EPS15: variants seen among roughly 807,000 people sequenced by gnomAD.
EPS15 encodes the protein epidermal growth factor receptor substrate 15.
A neutral mutation model predicts 113.8 loss-of-function variants in EPS15; 72 were observed. The observed-to-expected ratio is 0.63, with a 90% CI of 0.52 to 0.77. The LOEUF (loss-of-function observed/expected upper bound fraction) is 0.77, where lower values mean the gene tolerates loss of function less well. Among genes scored for constraint, EPS15 ranks in the 30% least tolerant of loss-of-function variants. EPS15 has a pLI of 0.00. For missense variants in EPS15, 1,048 were observed against 1,045.8 expected (o/e 1.00, Z -0.03); for synonymous variants, 344 against 363.4 (o/e 0.95, Z 0.61).
chr1:51,511,206 G>C (rs1644613400), intron 1 of EPS15, among the ~76,000 whole-genome samples: 1 of 151,284 alleles, frequency 6.6e-6, no homozygotes, highest in South Asian at 2.1e-4. Flanking sequence ...ATCTAAACCA[G>C]TGATTTGGCC....
chr1:51,395,151 C>T (rs562850454), intron 20 of EPS15, among the ~76,000 whole-genome samples: 1 of 152,172 alleles, frequency 6.6e-6, no homozygotes, highest in Non-Finnish European at 1.5e-5. Flanking sequence ...GCAGCCACCA[C>T]TAACCTTTTA....
chr1:51,449,311 C>A (rs1653334120), intron 8 of EPS15, among the ~76,000 whole-genome samples: 1 of 152,070 alleles, frequency 6.6e-6, no homozygotes, highest in Non-Finnish European at 1.5e-5. Context: ...AGCTGGAGGC[C>A]ATTATCCTAA....
chr1:51,493,704 C>T lies in EPS15; in HGVS notation c.34-12390G>A, dbSNP rs187493741. ...CACGATCTCGGCTCACTGCAACCTC[C>T]GCCTTCTGGGTTCAAGCGATTCTCC... On this transcript the variant is annotated intron_variant, in intron 1 of 24. Coordinates refer to ENST00000371733, the MANE Select transcript of EPS15 (RefSeq NM_001981.3). Among the ~76,000 whole-genome samples the T allele has an allele frequency of 6.8e-3, 1,028 of 151,382 alleles. 11 individuals are homozygous for T. The highest frequency in any genetic ancestry group is 0.023 in the African/African-American group (945 of 41,340).
chr1:51,478,003 T>C, intron 2 of EPS15, among the ~76,000 whole-genome samples: 1 of 152,194 alleles, frequency 6.6e-6, no homozygotes, highest in East Asian at 1.9e-4. Flanking sequence ...AATTCCTGGA[T>C]ATCCTTGTTA....
At chr1:51,363,616 T>C (rs571331644) in intron 23 of EPS15, among the ~76,000 whole-genome samples, 2 of 152,186 alleles carry the variant, frequency 1.3e-5, no homozygotes, top group African/African-American at 4.8e-5. Context: ...CTCTCTGAAA[T>C]GATTAAGTTA....
intron 12 of EPS15, among the ~76,000 whole-genome samples, chr1:51,432,472 T>A (rs990094380): frequency 1.5e-4 from 23 of 152,102 alleles, no homozygotes; most frequent in African/African-American, 5.3e-4. Context: ...CCAGCCTAAG[T>A]AATTTTTAAA....
At chr1:51,394,716 C>T (rs1417197615) in intron 20 of EPS15, among the ~76,000 whole-genome samples, 2 of 152,196 alleles carry the variant, frequency 1.3e-5, no homozygotes, top group African/African-American at 4.8e-5. Flanking sequence ...CAAGTGAACA[C>T]TTGTGTAGTC....
chr1:51,426,892 TATATATAC>T (rs1651272145), intron 12 of EPS15, among the ~76,000 whole-genome samples: 1 of 151,552 alleles, frequency 6.6e-6, no homozygotes, highest in Non-Finnish European at 1.5e-5. Flanking sequence ...TACACACACA[TATATATAC>T]ATATATACAT....
At chr1:51,374,996 CTTTTTTTTTT>C (rs761941054) in intron 21 of EPS15, among the ~76,000 whole-genome samples, 7 of 108,772 alleles carry the variant, frequency 6.4e-5, no homozygotes, top group African/African-American at 2.2e-4. Flanking sequence ...TAATATACTT[CTTTTTTTTTT>C]TTTTTTTTTT....
At chr1:51,471,636 AT>A (rs1655246117) in intron 4 of EPS15, 53 bp downstream of exon 4, 3 of 1,375,854 alleles carry the variant, frequency 2.2e-6, no homozygotes, top group South Asian at 2.4e-5. Flanking sequence ...CCTGCTGGCT[AT>A]TTTTTATTTT....
At chr1:51,376,125 C>T (rs1057106588) in intron 21 of EPS15, among the ~76,000 whole-genome samples, 3 of 152,200 alleles carry the variant, frequency 2.0e-5, no homozygotes, top group African/African-American at 7.2e-5. Context: ...CAATGTCTGG[C>T]TTTGAAGCAT....
At chr1:51,496,857 CAAGAGTTTAACAA>C (rs1438970285) in intron 1 of EPS15, among the ~76,000 whole-genome samples, 2 of 152,074 alleles carry the variant, frequency 1.3e-5, no homozygotes, top group African/African-American at 4.8e-5. Context: ...CAATGTTCTC[CAAGAGTTTAACAA>C]TTACTACTAT....
chr1:51,379,589 G>T (rs1410406573), intron 21 of EPS15, among the ~76,000 whole-genome samples: 1 of 152,182 alleles, frequency 6.6e-6, no homozygotes, highest in Non-Finnish European at 1.5e-5. Context: ...AACAAAAACT[G>T]AATGGTTCAT....
At chr1:51,357,426 A>ATATATATATT (rs1443627608) in intron 24 of EPS15, among the ~76,000 whole-genome samples, 14 of 53,534 alleles carry the variant, frequency 2.6e-4, no homozygotes, top group African/African-American at 9.6e-4. Flanking sequence ...ATATATATAT[A>ATATATATATT]TTTTTTTTTT....
chr1:51,437,039 G>A (rs1652206415), intron 12 of EPS15, among the ~76,000 whole-genome samples: 1 of 152,036 alleles, frequency 6.6e-6, no homozygotes, highest in Admixed American at 6.6e-5. Flanking sequence ...AATCTAATTG[G>A]CATAATTAAA....
chr1:51,426,068 T>G (rs1189092534), intron 12 of EPS15, among the ~76,000 whole-genome samples: 2 of 152,046 alleles, frequency 1.3e-5, no homozygotes, highest in Non-Finnish European at 2.9e-5. Flanking sequence ...ACCATCAGAT[T>G]TGGAGAAAAA....
chr1:51,421,856 T>C lies in EPS15; in HGVS notation c.1043A>G (p.Glu348Gly). 5 of 1,611,706 alleles carry C rather than the reference T, an allele frequency of 3.1e-6. No homozygotes were observed. The highest frequency in any genetic ancestry group is 4.2e-6 in the Non-Finnish European group (5 of 1,178,504). ...LNNEIVDLQR[E>G]KNNVEQDLKE... ...AAGGTCCTGTTCCACATTATTCTTT[T>C]CCCTAGAAGACCAGCAAACAATGCA... Residue 348 changes from glutamate to glycine, a missense_variant and splice_region_variant, in exon 13 of 25, where the codon GAA (glutamate) becomes GGA (glycine). Coordinates refer to ENST00000371733, the MANE Select transcript of EPS15 (RefSeq NM_001981.3).
intron 24 of EPS15, among the ~76,000 whole-genome samples, chr1:51,360,006 A>G (rs1195362853): frequency 2.0e-5 from 3 of 152,046 alleles, no homozygotes; most frequent in East Asian, 1.9e-4. Context: ...CAGCCCCCCA[A>G]GTAGCTGGGA....
At chr1:51,415,368 T>C (rs1461882280) in intron 13 of EPS15, among the ~76,000 whole-genome samples, 1 of 152,124 alleles carries the variant, frequency 6.6e-6, no homozygotes, top group Non-Finnish European at 1.5e-5. Flanking sequence ...AATACAAAAC[T>C]ACAGGACTTA....
Sources: gnomAD v4.1 joint callset for allele counts (sites outside exome capture counted in the v4.1 genomes callset) on GRCh38, gnomAD v4.1.1 for gene constraint, MANE v1.5 for transcripts, NCBI Gene and HGNC (gene_info 2026-07-23, HGNC 2026-07-21) for gene names.